Variants in MEX3C observed in about 807,000 individuals in gnomAD.
MEX3C encodes RNA-binding E3 ubiquitin-protein ligase MEX3C.
In MEX3C, 15 loss-of-function variants were observed where a neutral mutation model predicts 35.5. The ratio of observed to expected loss-of-function variants is 0.42; its 90% CI spans 0.28 to 0.65. The LOEUF is 0.65. Ranked by LOEUF, MEX3C falls within the 30% of genes least tolerant of loss-of-function variation. The probability of loss-of-function intolerance (pLI) is 0.20; values close to 1 mark genes in which losing one functional copy is unlikely to be tolerated. For missense variants in MEX3C, 711 were observed against 842.8 expected, an observed-to-expected ratio of 0.84 and a Z score of 1.94; for synonymous variants, 390 against 352.8, an observed-to-expected ratio of 1.11 and a Z score of -1.18.
chr18:51,176,426 CTTG>C lies in MEX3C; in HGVS notation c.1902_1904del (p.Asn634del). ...ATGATGGCGTTCTCTTTTCACAGAT[CTTG>C]TTGGCACATTCCATGCAGAAGAGGT... On this transcript the variant is annotated inframe_deletion, in exon 2 of 2. Coordinates refer to ENST00000406189, the MANE Select transcript of MEX3C (RefSeq NM_016626.5). The C allele has an allele frequency of 6.2e-7, 1 of 1,613,968 alleles. No homozygotes were observed.
intron 1 of MEX3C, among the ~76,000 whole-genome samples, chr18:51,180,542 A>G (rs539223130): frequency 1.2e-4 from 18 of 152,306 alleles, no homozygotes; most frequent in Admixed American, 5.9e-4. Context: ...CAGTGGCACC[A>G]TATCGGCTCA....
rs761624628 is a variant in MEX3C at position 51,176,901 on chromosome 18, T to C, written c.1430A>G (p.Asn477Ser). Residue 477 changes from asparagine to serine, a missense_variant, in exon 2 of 2, where the codon AAC (asparagine) becomes AGC (serine). By Grantham distance (46) the Asn-to-Ser change is conservative. This residue lies in a region of MEX3C where 187 missense variants were observed against 201.7 expected (regional missense o/e 0.93). Transcript: ENST00000406189. ...TGGTAGTGTATCTCCAAACCAGAAG[T>C]TTCCTGTGCTAAATGGGCTTGTTGG... Reference protein sequence around the residue: ...FSPTSPFSTGNFWFGDTLPSV... With the variant: ...FSPTSPFSTGSFWFGDTLPSV... 13 of 1,613,998 alleles carry C rather than the reference T, an allele frequency of 8.1e-6. No homozygotes were observed. The East Asian group carries it at 8.9e-5, about 11-fold the overall frequency.
intron 1 of MEX3C, among the ~76,000 whole-genome samples, chr18:51,190,622 A>G (rs2144556759): frequency 6.6e-6 from 1 of 152,336 alleles, no homozygotes; most frequent in East Asian, 1.9e-4. Context: ...AAGGGCAACA[A>G]ACACTTGAAG....
intron 1 of MEX3C, among the ~76,000 whole-genome samples, chr18:51,179,651 T>C (rs181067626): frequency 5.3e-5 from 8 of 152,314 alleles, no homozygotes; most frequent in Non-Finnish European, 1.0e-4. Context: ...TCAGCCTGTA[T>C]GTGCTTTTGT....
intron 1 of MEX3C, among the ~76,000 whole-genome samples, chr18:51,185,734 G>A (rs918114399): frequency 2.0e-5 from 3 of 152,122 alleles, no homozygotes; most frequent in Admixed American, 6.6e-5. Flanking sequence ...GAGGAATCAC[G>A]GGCATTGGAA....
chr18:51,179,992 G>A (rs1175188605), intron 1 of MEX3C, among the ~76,000 whole-genome samples: 1 of 150,636 alleles, frequency 6.6e-6, no homozygotes, highest in East Asian at 2.0e-4. Flanking sequence ...GAAAAACACT[G>A]GGCAAATTGC....
chr18:51,183,613 A>G (rs1298656453), intron 1 of MEX3C, among the ~76,000 whole-genome samples: 1 of 152,128 alleles, frequency 6.6e-6, no homozygotes, highest in Non-Finnish European at 1.5e-5. Flanking sequence ...TACAATCCAA[A>G]TCAGTTCAGC....
chr18:51,193,699 A>G (rs895222695), intron 1 of MEX3C: 20 of 152,362 alleles, frequency 1.3e-4, no homozygotes, highest in Admixed American at 1.2e-3. Context: ...GCTTTAAAAA[A>G]CAAGGCCAAT....
intron 1 of MEX3C, among the ~76,000 whole-genome samples, chr18:51,182,861 A>G (rs559806152): frequency 6.6e-6 from 1 of 152,378 alleles, no homozygotes; most frequent in East Asian, 1.9e-4. Flanking sequence ...AATATGTTCC[A>G]AATGTTTCAG....
rs1210717653 is a variant in MEX3C at position 51,177,140 on chromosome 18, G to A, written c.1191C>T (p.Asn397=). 4 of 1,613,750 alleles carry A rather than the reference G, an allele frequency of 2.5e-6. No individual in the cohort carries two copies. Among genetic ancestry groups the A allele is most frequent in the Non-Finnish European group, 8.5e-7 (1 of 1,179,890 alleles). ...IEMHIAMRTG[N]YIELNEENDF... ...CATTCTCTTCATTGAGCTCTATATAGTTTCCTGTACGCATGGCAATATGCA... is the reference window on the plus strand; with the variant it reads ...CATTCTCTTCATTGAGCTCTATATAATTTCCTGTACGCATGGCAATATGCA... Residue 397 remains asparagine, a synonymous_variant, in exon 2 of 2, where the codon AAC becomes AAT. Transcript: ENST00000406189. This position sits in a 1 kb window ranked among gnomAD's most constrained non-coding sequence, Gnocchi z 4.2.
Position 51,176,429 on chromosome 18 carries a change from G to A in MEX3C, c.1902C>T (p.Asn634=). The A allele has an allele frequency of 1.9e-6, 3 of 1,613,966 alleles. No individual in the cohort carries two copies. The highest frequency in any genetic ancestry group is 2.5e-6 in the Non-Finnish European group (3 of 1,179,888). ...ATGGCGTTCTCTTTTCACAGATCTT[G>A]TTGGCACATTCCATGCAGAAGAGGT... is the stretch of plus-strand genomic sequence containing the variant. ...GHNLFCMECA[N]KICEKRTPSC... The change falls in exon 2 of 2, where the codon AAC becomes AAT. Residue 634 remains asparagine (N), a synonymous_variant. Transcript: ENST00000406189.
chr18:51,186,083 A>G (rs1157756412), intron 1 of MEX3C, among the ~76,000 whole-genome samples: 1 of 152,122 alleles, frequency 6.6e-6, no homozygotes, highest in Non-Finnish European at 1.5e-5. Context: ...TGCTTGGGTG[A>G]ACTCTAAGAG....
chr18:51,181,303 CACAA>C (rs996675612), intron 1 of MEX3C, among the ~76,000 whole-genome samples: 70 of 145,474 alleles, frequency 4.8e-4, no homozygotes, highest in African/African-American at 1.4e-3. Context: ...CTTACACACA[CACAA>C]ACACACACAT....
intron 1 of MEX3C, among the ~76,000 whole-genome samples, chr18:51,190,641 C>G (rs1568234522): frequency 1.3e-5 from 2 of 152,136 alleles, no homozygotes; most frequent in African/African-American, 4.8e-5. Flanking sequence ...AGTGTCCTTA[C>G]ATCTCAAACA....
At chr18:51,182,805 G>A (rs769432455) in intron 1 of MEX3C, among the ~76,000 whole-genome samples, 9 of 152,226 alleles carry the variant, frequency 5.9e-5, no homozygotes, top group Non-Finnish European at 1.2e-4. Flanking sequence ...ACCATGGGTT[G>A]CAGTATCAAT....
Position 51,196,728 on chromosome 18 carries a change from G to A in MEX3C, c.593C>T (p.Ala198Val), listed in dbSNP as rs1912801171. The change falls in exon 1 of 2, where the codon GCG (alanine) becomes GTG (valine). Residue 198 changes from alanine (A) to valine (V), a missense_variant. By Grantham distance (64) the Ala-to-Val change is moderately conservative. Around this residue, in one of 4 missense-constraint regions of MEX3C, gnomAD observed 354 missense variants for 311.6 expected, o/e 1.14. Coordinates refer to ENST00000406189, the MANE Select transcript of MEX3C (RefSeq NM_016626.5). The stretch of plus-strand genomic sequence containing the variant: ...GCCGTAGGCGTGGGACAGCATCGCC[G>A]CCATCATGCCCTGGGCATCGTCCCC... ...YGGDDAQGMM[A>V]AMLSHAYGPG... The A allele has an allele frequency of 5.2e-6, 8 of 1,529,724 alleles. No individual in the cohort carries two copies. The highest frequency in any genetic ancestry group is 2.5e-5 in the East Asian group (1 of 40,610). The allele number at this position is 1,529,724 out of a possible 1,614,324, so 94.8% of individuals were successfully genotyped here.
Position 51,180,762 on chromosome 18 carries a change from C to T in MEX3C, c.755-3186G>A, listed in dbSNP as rs140912194. Among the ~76,000 whole-genome samples, 819 of 152,262 alleles carry T rather than the reference C, an allele frequency of 5.4e-3. 41 individuals carry two copies. In the East Asian group the frequency reaches 0.12, roughly 22 times the overall value. ...CCTCCCAAAGTGCTGGGATTACGGG[C>T]GTGAGCCATCGTGCCTGGCCACCAA... On this transcript the variant is annotated intron_variant, in intron 1 of 1. Transcript: ENST00000406189.
At position 51,177,500 on chromosome 18, in the gene MEX3C, A is replaced by G. The variant is rs754213465; in HGVS notation, c.831T>C (p.Phe277=). 1.9e-6 allele frequency: 3 copies of G among 1,614,056 alleles called. No individual in the cohort carries two copies. The Admixed American group carries it at 5.0e-5, about 27-fold the overall frequency. ...KTPVRGEEPI[F]VVTGRKEDVA... ...CATCTTCTTTCCTTCCAGTGACAAC[A>G]AAAATGGGCTCTTCACCACGAACAG... Residue 277 remains phenylalanine (F), a synonymous_variant, in exon 2 of 2, where the codon TTT becomes TTC. Coordinates refer to ENST00000406189, the MANE Select transcript of MEX3C (RefSeq NM_016626.5). The surrounding 1 kb of genome is among the most constrained non-coding windows in gnomAD (Gnocchi z 4.2).
rs1912267927 is a variant in MEX3C, at chr18:51,175,035, A to G, written c.*1316T>C. 6.6e-6 allele frequency: 1 copy of G among 152,668 alleles called. No individual in the cohort carries two copies. Among genetic ancestry groups the G allele is most frequent in the Non-Finnish European group, 1.5e-5 (1 of 68,046 alleles). 9.5% of individuals were successfully genotyped at this position (152,668 alleles called of 1,614,324 possible). ...TCAAGGCAACTTTTTTTATACTGAA[A>G]AAATCAAAATAAAAACCGTTATTTG... On this transcript the variant is annotated 3_prime_UTR_variant, in exon 2 of 2. Transcript: ENST00000406189.
Sources: allele counts gnomAD v4.1 joint callset (sites outside exome capture counted in the v4.1 genomes callset), GRCh38; gene constraint gnomAD v4.1.1; regional missense constraint gnomAD v4.1.1; non-coding constraint Gnocchi (gnomAD v3.1); transcripts MANE v1.5; gene names NCBI Gene and HGNC (gene_info 2026-07-23, HGNC 2026-07-21).